NRXN1: variants seen among roughly 807,000 people sequenced by gnomAD.
NRXN1 encodes the protein neurexin 1.
In NRXN1, 39 loss-of-function variants were observed where a neutral mutation model predicts 150.9. The observed-to-expected ratio is 0.26, with a 90% CI of 0.20 to 0.34. The LOEUF is 0.34. Ranked by LOEUF, NRXN1 falls within the 10% of genes least tolerant of loss-of-function variation. The probability of loss-of-function intolerance (pLI) is 1.00; values close to 1 mark genes in which losing one functional copy is unlikely to be tolerated. For missense variants in NRXN1, 1,815 were observed against 1,949.9 expected, an observed-to-expected ratio of 0.93 and a Z score of 1.30; for synonymous variants, 924 against 757.0, an observed-to-expected ratio of 1.22 and a Z score of -3.62.
intron 17 of NRXN1, among the ~76,000 whole-genome samples, chr2:50,345,374 G>A (rs965918872): frequency 6.6e-6 from 1 of 152,124 alleles, no homozygotes; most frequent in Non-Finnish European, 1.5e-5. Context: ...ATGGAATAAA[G>A]GGCCATCCTG....
At chr2:50,632,832 T>C (rs1420944190) in intron 5 of NRXN1, 1 of 152,040 alleles carries the variant, frequency 6.6e-6, no homozygotes, top group African/African-American at 2.4e-5. Flanking sequence ...GGCGAAAGAA[T>C]CAGAGAGCTC....
chr2:50,851,960 C>T (rs1674581895), intron 5 of NRXN1, among the ~76,000 whole-genome samples: 1 of 152,108 alleles, frequency 6.6e-6, no homozygotes, highest in South Asian at 2.1e-4. Context: ...TAGGCAGTAA[C>T]AATAGAAAAC....
At chr2:50,263,792 G>A (rs1296047127) in intron 17 of NRXN1, among the ~76,000 whole-genome samples, 9 of 152,108 alleles carry the variant, frequency 5.9e-5, no homozygotes, top group Admixed American at 1.3e-4. Flanking sequence ...TAACACGCCT[G>A]TTTAGAGGGT....
intron 5 of NRXN1, chr2:50,829,783 TTTTA>T: frequency 6.5e-7 from 1 of 1,528,480 alleles, no homozygotes. Flanking sequence ...GCCCTAATGT[TTTTA>T]TTTATGAAGT....
At chr2:50,025,238 A>G (rs1688109872) in intron 21 of NRXN1, among the ~76,000 whole-genome samples, 1 of 152,216 alleles carries the variant, frequency 6.6e-6, no homozygotes, top group Non-Finnish European at 1.5e-5. Context: ...TTTTAACTGC[A>G]TATTCCTACA....
chr2:50,082,012 T>TA (rs1283930198), intron 19 of NRXN1, among the ~76,000 whole-genome samples: 1 of 152,192 alleles, frequency 6.6e-6, no homozygotes, highest in African/African-American at 2.4e-5. Context: ...CAAATACTTG[T>TA]AAATACCATC....
chr2:50,070,465 G>A (rs568698900), intron 19 of NRXN1, among the ~76,000 whole-genome samples: 3 of 152,082 alleles, frequency 2.0e-5, no homozygotes, highest in South Asian at 2.1e-4. Context: ...ATCTGTCAGG[G>A]GCTGACTTAA....
chr2:50,786,050 A>T (rs1203153648), intron 5 of NRXN1, among the ~76,000 whole-genome samples: 1 of 152,050 alleles, frequency 6.6e-6, no homozygotes, highest in Non-Finnish European at 1.5e-5. Context: ...CAAGAGTGGG[A>T]GGAAGAGATG....
intron 17 of NRXN1, among the ~76,000 whole-genome samples, chr2:50,351,203 G>A (rs900465947): frequency 6.6e-6 from 1 of 152,156 alleles, no homozygotes; most frequent in Non-Finnish European, 1.5e-5. Flanking sequence ...GAACTGGTTG[G>A]AGGAAACATG....
chr2:50,321,247 T>C (rs531445447), intron 17 of NRXN1, among the ~76,000 whole-genome samples: 83 of 152,310 alleles, frequency 5.4e-4, no homozygotes, highest in Middle Eastern at 3.4e-3. Flanking sequence ...CAAAGCGATA[T>C]ATAAAGTATC....
At chr2:50,720,381 T>A (rs1308498699) in intron 5 of NRXN1, among the ~76,000 whole-genome samples, 2 of 152,124 alleles carry the variant, frequency 1.3e-5, no homozygotes, top group African/African-American at 4.8e-5. Context: ...TCGCGCTGCA[T>A]CTTCCAGTTA....
Position 50,638,898 on chromosome 2 carries a change from C to G in NRXN1, c.833-15283G>C, listed in dbSNP as rs750031013. ...ATTCAAGGGCTTTGAAAAATTTCTT[C>G]CCAGTTACCCAGGACACATATACAA... On this transcript the variant is annotated intron_variant, in intron 5 of 22. Transcript: ENST00000401669. 2.0e-5 allele frequency among the ~76,000 whole-genome samples: 3 copies of G among 152,084 alleles called. No individual in the cohort carries two copies. The East Asian group carries it at 5.8e-4, about 30-fold the overall frequency.
chr2:50,970,333 G>C (rs1272061986), intron 2 of NRXN1, among the ~76,000 whole-genome samples: 3 of 152,090 alleles, frequency 2.0e-5, no homozygotes, highest in Non-Finnish European at 4.4e-5. Context: ...GGCTGCTGCT[G>C]AGGCCTTCAT....
intron 18 of NRXN1, among the ~76,000 whole-genome samples, chr2:50,094,300 T>C (rs978638092): frequency 6.6e-6 from 1 of 152,136 alleles, no homozygotes; most frequent in African/African-American, 2.4e-5. Context: ...CTGAATTAAT[T>C]ACCTACTTCT....
At chr2:50,841,450 G>C (rs1308174491) in intron 5 of NRXN1, among the ~76,000 whole-genome samples, 1 of 152,134 alleles carries the variant, frequency 6.6e-6, no homozygotes, top group Non-Finnish European at 1.5e-5. Flanking sequence ...CTGGAATCCA[G>C]ACAAGCAAAG....
chr2:50,833,003 A>G (rs1007384711), intron 5 of NRXN1, among the ~76,000 whole-genome samples: 2 of 152,330 alleles, frequency 1.3e-5, no homozygotes, highest in East Asian at 1.9e-4. Flanking sequence ...TTAAAAGTGG[A>G]CAAAATAATT....
intron 21 of NRXN1, among the ~76,000 whole-genome samples, chr2:50,040,946 A>C (rs913046242): frequency 6.6e-6 from 1 of 152,038 alleles, no homozygotes; most frequent in Admixed American, 6.6e-5. Context: ...AACATGTGCC[A>C]TGTTGGTGTG....
chr2:50,365,943 G>C (rs1257284331), intron 17 of NRXN1, among the ~76,000 whole-genome samples: 1 of 151,964 alleles, frequency 6.6e-6, no homozygotes, highest in African/African-American at 2.4e-5. Context: ...CAAATTAGAC[G>C]ACTGCAGGTC....
chr2:51,006,201 C>T (rs2105141381), intron 2 of NRXN1, among the ~76,000 whole-genome samples: 1 of 151,794 alleles, frequency 6.6e-6, no homozygotes, highest in South Asian at 2.1e-4. Flanking sequence ...CATTTAAGAC[C>T]TACCTATGCA....
Sources: allele counts gnomAD v4.1 joint callset (sites outside exome capture counted in the v4.1 genomes callset), GRCh38; gene constraint gnomAD v4.1.1; transcripts MANE v1.5; gene names NCBI Gene and HGNC (gene_info 2026-07-23, HGNC 2026-07-21).